Variants in NCKAP1 observed in about 807,000 individuals in gnomAD.
NCKAP1 encodes the protein nck-associated protein 1.
Under a neutral mutation model 151.2 loss-of-function variants are expected in NCKAP1, and 21 were observed. The observed-to-expected ratio is 0.14, with a 90% CI of 0.10 to 0.20. The LOEUF (loss-of-function observed/expected upper bound fraction) is 0.20. Among genes scored for constraint, NCKAP1 ranks in the 10% least tolerant of loss-of-function variants. NCKAP1 has a pLI of 1.00. For synonymous variants in NCKAP1, 484 were observed against 451.8 expected, an observed-to-expected ratio of 1.07 and a Z score of -0.90; for missense variants, 933 against 1,352.1, an observed-to-expected ratio of 0.69 and a Z score of 4.86.
chr2:183,030,165 T>C (rs1439135947), intron 1 of NCKAP1, among the ~76,000 whole-genome samples: 2 of 152,196 alleles, frequency 1.3e-5, no homozygotes, highest in African/African-American at 2.4e-5. Flanking sequence ...AAGCAGTTGC[T>C]ATCACGGTAA....
intron 2 of NCKAP1, among the ~76,000 whole-genome samples, chr2:183,011,941 T>C (rs1329485880): frequency 1.3e-5 from 2 of 152,166 alleles, no homozygotes; most frequent in African/African-American, 2.4e-5. Context: ...AAACTATGAA[T>C]AATGTACTGA....
chr2:182,986,153 T>G lies in NCKAP1; in HGVS notation c.1004+18A>C. 1.9e-6 allele frequency: 3 copies of G among 1,610,818 alleles called. No homozygotes were observed. Among genetic ancestry groups the G allele is most frequent in the Non-Finnish European group, 2.5e-6 (3 of 1,177,316 alleles). On this transcript the variant is annotated intron_variant, in intron 10 of 30. Transcript: ENST00000361354. ...TTTTCTTGATTAAAGCTACCACGGA[T>G]AAAATAAAACTACTCACGCATGTGA...
intron 23 of NCKAP1, among the ~76,000 whole-genome samples, chr2:182,949,589 C>G (rs1697174815): frequency 6.6e-6 from 1 of 152,100 alleles, no homozygotes; most frequent in Admixed American, 6.6e-5. Context: ...ACCATTTGAG[C>G]CCAGGAGTTA....
chr2:183,004,962 A>G (rs1335149681), intron 2 of NCKAP1, among the ~76,000 whole-genome samples: 2 of 151,706 alleles, frequency 1.3e-5, no homozygotes, highest in Admixed American at 6.6e-5. Flanking sequence ...ACAAATTAAG[A>G]TATATACTTG....
rs1022487580 is a variant in NCKAP1 at position 183,012,484 on chromosome 2, A to G, written c.220-9159T>C. Among the ~76,000 whole-genome samples, 87 of 152,224 alleles carry G rather than the reference A, an allele frequency of 5.7e-4. 2 individuals are homozygous for G. Among genetic ancestry groups the G allele is most frequent in the Admixed American group, 5.2e-3 (79 of 15,282 alleles). On this transcript the variant is annotated intron_variant, in intron 2 of 30. Transcript: ENST00000361354. ...TGTTGTTCTTGGGAGATTTGGAGAC[A>G]AAGTGAGGTGGCATCACTGGGAGAA...
rs1488307745 is a variant in NCKAP1 at position 182,936,591 on chromosome 2, T to C, written c.2696-1216A>G. On this transcript the variant is annotated intron_variant, in intron 24 of 30. Coordinates refer to ENST00000361354, the MANE Select transcript of NCKAP1 (RefSeq NM_013436.5). ...AAAGTTACTAGTTGAGGAGTAGGAA[T>C]AGAGAGAAGTGTTTTATTTTAACTT... 2.0e-5 allele frequency among the ~76,000 whole-genome samples: 3 copies of C among 152,188 alleles called. No homozygotes were observed. In the East Asian group the frequency reaches 5.8e-4, roughly 29 times the overall value.
chr2:182,961,773 A>G (rs1488160260), intron 18 of NCKAP1, among the ~76,000 whole-genome samples: 1 of 149,006 alleles, frequency 6.7e-6, no homozygotes, highest in Non-Finnish European at 1.5e-5. Context: ...AGTTGGAAAG[A>G]AAAAAAAAAG....
chr2:183,029,714 G>T (rs926789204), intron 1 of NCKAP1, among the ~76,000 whole-genome samples: 4 of 151,386 alleles, frequency 2.6e-5, no homozygotes, highest in Non-Finnish European at 5.9e-5. Context: ...CAGCTACCTG[G>T]GAGGCTAAGA....
chr2:182,990,499 A>C (rs1454027281), intron 8 of NCKAP1, among the ~76,000 whole-genome samples: 1 of 152,126 alleles, frequency 6.6e-6, no homozygotes, highest in Non-Finnish European at 1.5e-5. Flanking sequence ...TATCTTTTTT[A>C]CCTTTTGTTA....
intron 24 of NCKAP1, among the ~76,000 whole-genome samples, chr2:182,937,010 G>C (rs1019348116): frequency 6.7e-6 from 1 of 150,092 alleles, no homozygotes; most frequent in Non-Finnish European, 1.5e-5. Flanking sequence ...AGCTACTCGG[G>C]AGACTGAGGC....
intron 24 of NCKAP1, among the ~76,000 whole-genome samples, chr2:182,940,640 A>G (rs1696977188): frequency 6.6e-6 from 1 of 152,134 alleles, no homozygotes; most frequent in African/African-American, 2.4e-5. Flanking sequence ...GGGTTTCAAT[A>G]TGTTGGCCAG....
At chr2:182,941,392 T>C (rs1208754603) in intron 24 of NCKAP1, among the ~76,000 whole-genome samples, 1 of 152,186 alleles carries the variant, frequency 6.6e-6, no homozygotes, top group Non-Finnish European at 1.5e-5. Flanking sequence ...CAGGTTTTCA[T>C]CAATCTTAGC....
chr2:182,913,156 C>T lies in NCKAP1; in HGVS notation c.*12546G>A, dbSNP rs917391437. 2.0e-5 allele frequency: 3 copies of T among 152,204 alleles called. No homozygotes were observed. The highest frequency in any genetic ancestry group is 4.8e-5 in the African/African-American group (2 of 41,464). The allele number at this position is 152,204 out of a possible 1,614,324, so 9.4% of individuals were successfully genotyped here. ...TCTGTCTCCTCCACTATATTATAAG[C>T]TCTGTGACATCAAGGACCAAATCTG... is the stretch of plus-strand genomic sequence containing the variant. On this transcript the variant is annotated 3_prime_UTR_variant, in exon 31 of 31. Transcript: ENST00000361354.
Position 182,915,729 on chromosome 2 carries a change from C to T in NCKAP1, c.*9973G>A, listed in dbSNP as rs1236357702. 6.6e-6 allele frequency: 1 copy of T among 152,088 alleles called. No individual in the cohort carries two copies. The highest frequency in any genetic ancestry group is 1.5e-5 in the Non-Finnish European group (1 of 68,010). 9.4% of individuals were successfully genotyped at this position (152,088 alleles called of 1,614,324 possible). A position where few individuals can be genotyped will look rare whatever the true frequency, so the allele number is the denominator to read the frequency against. The stretch of plus-strand genomic sequence containing the variant: ...AAGATTACAGTTAAGTGTCTCACAG[C>T]TCCTGTCTTTTCTATGAAGTACTGA... On this transcript the variant is annotated 3_prime_UTR_variant, in exon 31 of 31. Coordinates refer to ENST00000361354, the MANE Select transcript of NCKAP1 (RefSeq NM_013436.5).
intron 6 of NCKAP1, 58 bp downstream of exon 6, chr2:183,001,895 C>T: frequency 1.4e-6 from 2 of 1,416,688 alleles, no homozygotes; most frequent in Non-Finnish European, 2.0e-6. Context: ...ATCCAACCAT[C>T]CATCCTCATG....
At chr2:182,974,162 A>G (rs1697755796) in intron 15 of NCKAP1, among the ~76,000 whole-genome samples, 1 of 148,564 alleles carries the variant, frequency 6.7e-6, no homozygotes, top group Non-Finnish European at 1.5e-5. Context: ...CCTGCCTGCT[A>G]CCTTGCACTT....
chr2:182,943,247 ATGG>A (rs1697033611), intron 23 of NCKAP1, among the ~76,000 whole-genome samples: 1 of 152,180 alleles, frequency 6.6e-6, no homozygotes, highest in Non-Finnish European at 1.5e-5. Flanking sequence ...ATAAAGTGCC[ATGG>A]TGTTTTTTAC....
intron 20 of NCKAP1, among the ~76,000 whole-genome samples, chr2:182,955,765 G>GT (rs1054356540): frequency 1.3e-4 from 20 of 151,876 alleles, no homozygotes; most frequent in African/African-American, 3.6e-4. Context: ...AGTGTACTGG[G>GT]TTTTTTTTCC....
rs149375141 is a variant in NCKAP1, at chr2:183,032,210, G to T, written c.108+5782C>A. On this transcript the variant is annotated intron_variant, in intron 1 of 30. Coordinates refer to ENST00000361354, the MANE Select transcript of NCKAP1 (RefSeq NM_013436.5). ...ACAGCCCAGAAATGTTAAATAACTT[G>T]TTCAAACTAAAAAAAAAGTATCAGA... is the stretch of plus-strand genomic sequence containing the variant. Among the ~76,000 whole-genome samples, 4 of 152,112 alleles carry T rather than the reference G, an allele frequency of 2.6e-5. No individual in the cohort carries two copies. In the East Asian group the frequency reaches 7.7e-4, roughly 29 times the overall value.
Sources: gnomAD v4.1 joint callset for allele counts (sites outside exome capture counted in the v4.1 genomes callset) on GRCh38, gnomAD v4.1.1 for gene constraint, MANE v1.5 for transcripts, NCBI Gene and HGNC (gene_info 2026-07-23, HGNC 2026-07-21) for gene names.